Variants in RPTOR observed in about 807,000 individuals in gnomAD.
RPTOR encodes the protein regulatory-associated protein of mTOR.
A neutral mutation model predicts 169.9 loss-of-function variants in RPTOR; 21 were observed. The observed-to-expected ratio is 0.12, with a 90% CI of 0.09 to 0.18. The LOEUF is 0.18. RPTOR is among the 10% of genes least tolerant of loss of function. RPTOR has a pLI of 1.00. For synonymous variants in RPTOR, 732 were observed against 753.2 expected, an observed-to-expected ratio of 0.97 and a Z score of 0.46; for missense variants, 1,133 against 1,855.9, an observed-to-expected ratio of 0.61 and a Z score of 7.16.
intron 21 of RPTOR, among the ~76,000 whole-genome samples, chr17:80,918,663 A>G (rs1248522846): frequency 6.6e-6 from 1 of 152,186 alleles, no homozygotes; most frequent in African/African-American, 2.4e-5. Flanking sequence ...GCTTTCAGCC[A>G]GTGACTTCAT....
rs554882912 is a variant in RPTOR at position 80,696,598 on chromosome 17, G to A, written c.349-11243G>A. Among the ~76,000 whole-genome samples the A allele has an allele frequency of 1.4e-4, 22 of 152,342 alleles. No homozygotes were observed. In the East Asian group the frequency reaches 4.1e-3, roughly 28 times the overall value. On this transcript the variant is annotated intron_variant, in intron 3 of 33. Coordinates refer to ENST00000306801, the MANE Select transcript of RPTOR (RefSeq NM_020761.3). ...CTCTTCTTAGTGGCCATGGCCTCCCGGGGCAAGGCCGGCTGGTGCGTCAGA... is the reference window on the plus strand; with the variant it reads ...CTCTTCTTAGTGGCCATGGCCTCCCAGGGCAAGGCCGGCTGGTGCGTCAGA...
chr17:80,842,304 C>T (rs1274477836), intron 10 of RPTOR, among the ~76,000 whole-genome samples: 2 of 151,894 alleles, frequency 1.3e-5, no homozygotes, highest in Non-Finnish European at 2.9e-5. Flanking sequence ...GTAAATATTG[C>T]ACTGAAATAT....
At chr17:80,602,490 CTTTTT>C (rs1164412915) in intron 1 of RPTOR, 1 of 357,948 alleles carries the variant, frequency 2.8e-6, no homozygotes, top group Non-Finnish European at 5.3e-6. Context: ...GTTTTCTTTT[CTTTTT>C]TTTTGGTGGG....
chr17:80,616,107 C>T (rs538577184), intron 1 of RPTOR, among the ~76,000 whole-genome samples: 126 of 152,226 alleles, frequency 8.3e-4, no homozygotes, highest in African/African-American at 2.9e-3. Context: ...TTGATGAAGC[C>T]TGTACCATGG....
intron 3 of RPTOR, among the ~76,000 whole-genome samples, chr17:80,649,525 G>A (rs995523848): frequency 6.6e-6 from 1 of 152,110 alleles, no homozygotes; most frequent in Middle Eastern, 3.2e-3. Flanking sequence ...GAGGACTCAT[G>A]GGCAAAGGCA....
intron 6 of RPTOR, among the ~76,000 whole-genome samples, chr17:80,765,149 C>T (rs1309063694): frequency 1.3e-5 from 2 of 152,154 alleles, no homozygotes; most frequent in South Asian, 2.1e-4. Flanking sequence ...CTACGCTGTC[C>T]GTCGCATCTC....
intron 3 of RPTOR, among the ~76,000 whole-genome samples, chr17:80,668,665 C>T (rs190791177): frequency 1.1e-4 from 16 of 152,340 alleles, no homozygotes; most frequent in Admixed American, 2.0e-4. Flanking sequence ...AGGTCACTTG[C>T]GTCACAGGGA....
At chr17:80,622,948 T>A (rs1471976010) in intron 1 of RPTOR, among the ~76,000 whole-genome samples, 1 of 152,160 alleles carries the variant, frequency 6.6e-6, no homozygotes, top group Non-Finnish European at 1.5e-5. Flanking sequence ...ATTAATAAAT[T>A]TTTTTAACTG....
intron 19 of RPTOR, among the ~76,000 whole-genome samples, chr17:80,893,478 C>T (rs1275872763): frequency 2.1e-4 from 16 of 74,470 alleles, no homozygotes; most frequent in Non-Finnish European, 4.0e-4. Flanking sequence ...TGTCTGTACG[C>T]GCCAGGGTGT....
At chr17:80,939,886 C>T (rs1432674852) in intron 24 of RPTOR, among the ~76,000 whole-genome samples, 2 of 152,186 alleles carry the variant, frequency 1.3e-5, no homozygotes, top group African/African-American at 2.4e-5. Context: ...TTCCCAAGGC[C>T]CTGGTCCCCA....
chr17:80,714,294 T>C (rs1379100651), intron 4 of RPTOR, among the ~76,000 whole-genome samples: 1 of 152,186 alleles, frequency 6.6e-6, no homozygotes, highest in African/African-American at 2.4e-5. Flanking sequence ...ATATTTTTTC[T>C]AGTCCAAAGC....
chr17:80,810,911 T>A (rs2067265807), intron 7 of RPTOR, among the ~76,000 whole-genome samples: 1 of 152,242 alleles, frequency 6.6e-6, no homozygotes, highest in Non-Finnish European at 1.5e-5. Flanking sequence ...TGTAATTGAT[T>A]TTTGCATAGT....
intron 3 of RPTOR, among the ~76,000 whole-genome samples, chr17:80,696,500 A>G (rs773114771): frequency 7.2e-5 from 11 of 152,196 alleles, no homozygotes; most frequent in Non-Finnish European, 1.2e-4. Context: ...TCCCATGTAG[A>G]TTCATTCCAC....
intron 3 of RPTOR, among the ~76,000 whole-genome samples, chr17:80,697,725 G>C (rs1008346201): frequency 6.6e-6 from 1 of 152,220 alleles, no homozygotes; most frequent in South Asian, 2.1e-4. Context: ...CAGAGGGCTC[G>C]CAGGTGGTGC....
intron 21 of RPTOR, among the ~76,000 whole-genome samples, chr17:80,910,842 CTTTT>C (rs11351495): frequency 7.3e-6 from 1 of 137,770 alleles, no homozygotes; most frequent in African/African-American, 2.7e-5. Flanking sequence ...TTCTTCAGTT[CTTTT>C]TTTTTTTTTT....
intron 3 of RPTOR, among the ~76,000 whole-genome samples, chr17:80,704,485 T>C (rs2066127614): frequency 6.6e-6 from 1 of 152,302 alleles, no homozygotes; most frequent in South Asian, 2.1e-4. Context: ...GAATCTCAGA[T>C]AGCAAAGCAG....
At chr17:80,924,062 G>A (rs1190105139) in intron 23 of RPTOR, 8 of 272,148 alleles carry the variant, frequency 2.9e-5, no homozygotes, top group South Asian at 9.1e-5. Flanking sequence ...CGTCCGCTTG[G>A]GGGCAGCTGC....
chr17:80,788,318 T>C (rs1253673301), intron 6 of RPTOR, among the ~76,000 whole-genome samples: 1 of 151,962 alleles, frequency 6.6e-6, no homozygotes, highest in Non-Finnish European at 1.5e-5. Context: ...ACTAAAAATA[T>C]AAAATTAGCC....
intron 7 of RPTOR, among the ~76,000 whole-genome samples, chr17:80,797,938 G>C (rs200438962): frequency 2.0e-5 from 3 of 152,230 alleles, no homozygotes; most frequent in Non-Finnish European, 4.4e-5. Context: ...GTGCGGTACA[G>C]TTGAGAGACA....
Sources: gnomAD v4.1 joint callset for allele counts (sites outside exome capture counted in the v4.1 genomes callset) on GRCh38, gnomAD v4.1.1 for gene constraint, MANE v1.5 for transcripts, NCBI Gene and HGNC (gene_info 2026-07-23, HGNC 2026-07-21) for gene names.